The following MAST4 variants were observed in gnomAD, a reference collection of about 807,000 sequenced individuals.
MAST4 encodes the protein microtubule associated serine/threonine kinase family member 4.
In MAST4, 89 loss-of-function variants were observed where a neutral mutation model predicts 162.7. The ratio of observed to expected loss-of-function variants is 0.55; its 90% CI spans 0.46 to 0.65. The LOEUF is 0.65. MAST4 is among the 30% of genes least tolerant of loss of function. The pLI is 0.00. For missense variants in MAST4, 3,153 were observed against 3,374.0 expected (o/e 0.93, Z 1.62); for synonymous variants, 1,479 against 1,361.1 (o/e 1.09, Z -1.91).
chr5:66,958,684 A>AT, intron 4 of MAST4, among the ~76,000 whole-genome samples: 1 of 152,138 alleles, frequency 6.6e-6, no homozygotes, highest in African/African-American at 2.4e-5. Flanking sequence ...AGATCTAATT[A>AT]TTTTTATGTG....
chr5:66,870,665 C>T (rs1561399565), intron 3 of MAST4: 1 of 383,982 alleles, frequency 2.6e-6, no homozygotes, highest in Non-Finnish European at 5.3e-6. Flanking sequence ...AAACAAAATA[C>T]AGTGCCGTTA....
At chr5:66,616,367 T>C (rs924924758) in intron 1 of MAST4, among the ~76,000 whole-genome samples, 4 of 152,168 alleles carry the variant, frequency 2.6e-5, no homozygotes, top group African/African-American at 9.7e-5. Context: ...AAATTTTAAG[T>C]ATGAGATGTT....
At chr5:66,773,366 C>T (rs1561320940) in intron 2 of MAST4, among the ~76,000 whole-genome samples, 1 of 152,214 alleles carries the variant, frequency 6.6e-6, no homozygotes, top group African/African-American at 2.4e-5. Flanking sequence ...GATAATTTCT[C>T]TATTCTTTGA....
chr5:67,035,029 G>A (rs1184130906), intron 4 of MAST4, among the ~76,000 whole-genome samples: 1 of 152,130 alleles, frequency 6.6e-6, no homozygotes, highest in Non-Finnish European at 1.5e-5. Flanking sequence ...AACTCAAGTT[G>A]TGTTTTTTTT....
chr5:66,781,180 C>T (rs930079881), intron 2 of MAST4, among the ~76,000 whole-genome samples: 2 of 152,134 alleles, frequency 1.3e-5, no homozygotes, highest in African/African-American at 4.8e-5. Context: ...TATTTGAGCC[C>T]CTACTTTTAC....
rs531646177 is a variant in MAST4, at chr5:66,831,838, A to G, written c.642+43044A>G. Among the ~76,000 whole-genome samples the G allele has an allele frequency of 1.5e-3, 225 of 152,324 alleles. 8 individuals carry two copies. In the South Asian group the frequency reaches 0.044, roughly 30 times the overall value. On this transcript the variant is annotated intron_variant, in intron 3 of 28. Transcript: ENST00000403625. ...AAACATAGGAAATTCTGATGGATGG[A>G]TGGGCTTGGGCCGACCTTGTACTTT...
At chr5:66,837,820 G>T (rs1758083536) in intron 3 of MAST4, among the ~76,000 whole-genome samples, 1 of 143,348 alleles carries the variant, frequency 7.0e-6, no homozygotes, top group Non-Finnish European at 1.5e-5. Flanking sequence ...ATGTATGTCA[G>T]TGCTTTGGTC....
chr5:66,769,086 A>G (rs74848525), intron 2 of MAST4, among the ~76,000 whole-genome samples: 1,657 of 152,282 alleles, frequency 0.011, 14 homozygotes, highest in South Asian at 0.05. Context: ...TTGACAGCCC[A>G]TTTAAAGTCT....
intron 4 of MAST4, among the ~76,000 whole-genome samples, chr5:67,023,787 T>C (rs1458990494): frequency 6.6e-6 from 1 of 152,096 alleles, no homozygotes; most frequent in Non-Finnish European, 1.5e-5. Context: ...AAATGTAGGA[T>C]AAATATACCT....
At chr5:66,779,369 C>A (rs934965088) in intron 2 of MAST4, among the ~76,000 whole-genome samples, 1 of 150,308 alleles carries the variant, frequency 6.7e-6, no homozygotes, top group African/African-American at 2.4e-5. Flanking sequence ...TTTGGACTTC[C>A]CTTGTGTGAG....
In MAST4 at chr5:66,704,133, T is replaced by C. The variant is rs971529339; in HGVS notation, c.364-55576T>C. 2.6e-5 allele frequency among the ~76,000 whole-genome samples: 4 copies of C among 152,202 alleles called. No individual in the cohort carries two copies. The East Asian group carries it at 7.7e-4, about 29-fold the overall frequency. ...TTAAGTACCTGAGGTTTTTTTTCCC[T>C]GTAACCATTTGTATCTCATTTTATT... On this transcript the variant is annotated intron_variant, in intron 1 of 28. Coordinates refer to ENST00000403625, the MANE Select transcript of MAST4 (RefSeq NM_001164664.2).
At chr5:67,005,583 G>A (rs1023359506) in intron 4 of MAST4, among the ~76,000 whole-genome samples, 1 of 152,162 alleles carries the variant, frequency 6.6e-6, no homozygotes, top group African/African-American at 2.4e-5. Flanking sequence ...ACATAACTTT[G>A]TCATTTTGAT....
intron 5 of MAST4, 122 bp downstream of exon 5, chr5:67,054,614 A>T (rs1310189786): frequency 5.8e-6 from 5 of 864,514 alleles, no homozygotes; most frequent in Non-Finnish European, 8.8e-6. Context: ...CTGCTGTTTT[A>T]TCCCTAAGTT....
chr5:66,602,306 T>A (rs530676866), intron 1 of MAST4, among the ~76,000 whole-genome samples: 1 of 152,126 alleles, frequency 6.6e-6, no homozygotes, highest in Non-Finnish European at 1.5e-5. Context: ...GGTGTTTGGG[T>A]ACTAACACGC....
chr5:66,845,085 TTATATATA>T (rs752796951), intron 3 of MAST4, among the ~76,000 whole-genome samples: 1,874 of 57,940 alleles, frequency 0.032, 105 homozygotes, highest in African/African-American at 0.11. Context: ...TCACTAATCT[TTATATATA>T]TATATATATA....
At chr5:66,691,525 T>C (rs1344945908) in intron 1 of MAST4, among the ~76,000 whole-genome samples, 2 of 152,180 alleles carry the variant, frequency 1.3e-5, no homozygotes, top group Non-Finnish European at 2.9e-5. Context: ...TACTATAGAC[T>C]GGGTGACTTA....
intron 3 of MAST4, among the ~76,000 whole-genome samples, chr5:66,792,950 C>T (rs1755484901): frequency 6.6e-6 from 1 of 152,140 alleles, no homozygotes; most frequent in South Asian, 2.1e-4. Flanking sequence ...TATAACAGTT[C>T]CGTGCCCAAT....
At chr5:66,966,048 A>G (rs1746687404) in intron 4 of MAST4, among the ~76,000 whole-genome samples, 1 of 152,196 alleles carries the variant, frequency 6.6e-6, no homozygotes, top group African/African-American at 2.4e-5. Flanking sequence ...TTTTATGTAC[A>G]TGGTTTCATT....
intron 3 of MAST4, among the ~76,000 whole-genome samples, chr5:66,898,453 G>T (rs1051221738): frequency 6.6e-6 from 1 of 151,274 alleles, no homozygotes; most frequent in African/African-American, 2.4e-5. Context: ...TTTATGTTTC[G>T]GTTCCCAAGG....
Sources: allele counts gnomAD v4.1 joint callset (sites outside exome capture counted in the v4.1 genomes callset), GRCh38; gene constraint gnomAD v4.1.1; transcripts MANE v1.5; gene names NCBI Gene and HGNC (gene_info 2026-07-23, HGNC 2026-07-21).